The following RFX3 variants were observed in gnomAD, a reference collection of about 807,000 sequenced individuals.
The protein encoded by RFX3 is transcription factor RFX3.
Under a neutral mutation model 98.6 loss-of-function variants are expected in RFX3, and 14 were observed. That is an observed-to-expected ratio of 0.14 (90% confidence interval 0.09 to 0.22). The LOEUF (loss-of-function observed/expected upper bound fraction) is 0.22, where lower values mean the gene tolerates loss of function less well. Ranked by LOEUF, RFX3 falls within the 10% of genes least tolerant of loss-of-function variation. The pLI is 1.00. For synonymous variants in RFX3, 383 were observed against 328.4 expected, an observed-to-expected ratio of 1.17 and a Z score of -1.80; for missense variants, 639 against 926.9, an observed-to-expected ratio of 0.69 and a Z score of 4.03.
intron 2 of RFX3, among the ~76,000 whole-genome samples, chr9:3,350,996 G>A (rs1290538460): frequency 1.3e-5 from 2 of 152,012 alleles, no homozygotes; most frequent in African/African-American, 4.8e-5. Context: ...AAACTACTCT[G>A]CATGATACTG....
chr9:3,508,283 C>A (rs1004813696), intron 1 of RFX3, among the ~76,000 whole-genome samples: 1 of 151,832 alleles, frequency 6.6e-6, no homozygotes, highest in African/African-American at 2.4e-5. Context: ...ATATTCAAAT[C>A]CCAATTTAAG....
At chr9:3,258,741 T>A (rs1056811012) in intron 13 of RFX3, among the ~76,000 whole-genome samples, 1 of 151,900 alleles carries the variant, frequency 6.6e-6, no homozygotes, top group African/African-American at 2.4e-5. Context: ...AATTACAGCA[T>A]ATTGATGTAT....
intron 1 of RFX3, among the ~76,000 whole-genome samples, chr9:3,510,597 A>C (rs1817575362): frequency 6.6e-6 from 1 of 152,078 alleles, no homozygotes; most frequent in Admixed American, 6.6e-5. Context: ...ATGTAAAATA[A>C]TAAAAAGCCA....
rs927244652 is a variant in RFX3 at position 3,456,487 on chromosome 9, G to T, written c.-8-60891C>A. Among the ~76,000 whole-genome samples the T allele has an allele frequency of 5.3e-5, 8 of 151,976 alleles. No individual in the cohort carries two copies. In the South Asian group the frequency reaches 8.3e-4, roughly 16 times the overall value. On this transcript the variant is annotated intron_variant, in intron 1 of 16. Coordinates refer to ENST00000617270, the MANE Select transcript of RFX3 (RefSeq NM_001282116.2). ...TTTTGCTCCCAGCTTTATGTGATAT[G>T]CAAATGTGATGTGCCTGTTTAATTC... is the stretch of plus-strand genomic sequence containing the variant.
At chr9:3,502,775 G>C (rs577932666) in intron 1 of RFX3, among the ~76,000 whole-genome samples, 3 of 152,086 alleles carry the variant, frequency 2.0e-5, no homozygotes, top group Non-Finnish European at 4.4e-5. Context: ...CTGGCAATGT[G>C]AATGTTAGCC....
intron 4 of RFX3, among the ~76,000 whole-genome samples, chr9:3,303,691 T>C (rs1828934516): frequency 6.6e-6 from 1 of 151,934 alleles, no homozygotes; most frequent in African/African-American, 2.4e-5. Flanking sequence ...TTGAAGCTGT[T>C]ATTTTATAGT....
At chr9:3,230,246 G>A (rs1818289514) in intron 15 of RFX3, among the ~76,000 whole-genome samples, 1 of 152,128 alleles carries the variant, frequency 6.6e-6, no homozygotes, top group South Asian at 2.1e-4. Flanking sequence ...AGCATTACTG[G>A]AACAAATGTG....
intron 3 of RFX3, among the ~76,000 whole-genome samples, chr9:3,341,898 C>T (rs969361672): frequency 3.3e-5 from 5 of 152,150 alleles, no homozygotes; most frequent in Admixed American, 6.6e-5. Flanking sequence ...TCCATGTAAC[C>T]ATTTCTCTTA....
chr9:3,505,238 A>ACATT (rs1564186819), intron 1 of RFX3, among the ~76,000 whole-genome samples: 12 of 88,110 alleles, frequency 1.4e-4, no homozygotes, highest in Middle Eastern at 0.015. Context: ...ATGAATATAT[A>ACATT]TTTATATATA....
chr9:3,425,575 A>T (rs190585792), intron 1 of RFX3, among the ~76,000 whole-genome samples: 5 of 152,280 alleles, frequency 3.3e-5, no homozygotes, highest in Non-Finnish European at 7.4e-5. Context: ...AACACATAGA[A>T]CCCCCTGAAA....
intron 1 of RFX3, among the ~76,000 whole-genome samples, chr9:3,452,941 C>T (rs959502253): frequency 2.0e-5 from 3 of 152,042 alleles, no homozygotes; most frequent in African/African-American, 7.2e-5. Context: ...CCAAATCAGC[C>T]GTCTCAAAAT....
intron 12 of RFX3, among the ~76,000 whole-genome samples, chr9:3,263,821 C>T (rs1485910367): frequency 6.6e-6 from 1 of 152,140 alleles, no homozygotes; most frequent in Non-Finnish European, 1.5e-5. Context: ...CTGGGTTTGA[C>T]CAATAACAGG....
intron 11 of RFX3, among the ~76,000 whole-genome samples, chr9:3,268,195 G>C (rs189695756): frequency 2.0e-5 from 3 of 151,722 alleles, no homozygotes; most frequent in Admixed American, 2.0e-4. Context: ...GTAGCTTCAA[G>C]CTGACATTAA....
chr9:3,427,362 AATAT>A (rs1844173919), intron 1 of RFX3, among the ~76,000 whole-genome samples: 1 of 140,518 alleles, frequency 7.1e-6, no homozygotes, highest in Non-Finnish European at 1.5e-5. Context: ...ACTATATATA[AATAT>A]ATATTGTTAT....
chr9:3,287,501 G>GA (rs1232780932), intron 7 of RFX3, among the ~76,000 whole-genome samples: 1 of 151,894 alleles, frequency 6.6e-6, no homozygotes, highest in Non-Finnish European at 1.5e-5. Context: ...GGACTCATCT[G>GA]AAAAAACAGA....
intron 1 of RFX3, among the ~76,000 whole-genome samples, chr9:3,426,354 C>G (rs941921964): frequency 6.6e-6 from 1 of 151,380 alleles, no homozygotes; most frequent in Non-Finnish European, 1.5e-5. Context: ...TACAAACATC[C>G]AATACCCTTC....
chr9:3,389,954 G>C (rs868000321), intron 2 of RFX3, among the ~76,000 whole-genome samples: 20 of 152,210 alleles, frequency 1.3e-4, no homozygotes, highest in Middle Eastern at 6.8e-3. Flanking sequence ...CTAAGAAAGT[G>C]TGACAAATGG....
intron 3 of RFX3, among the ~76,000 whole-genome samples, chr9:3,336,443 A>C (rs757546396): frequency 6.6e-6 from 1 of 152,158 alleles, no homozygotes; most frequent in Admixed American, 6.5e-5. Flanking sequence ...TAAATAAGAG[A>C]GAGCATACCA....
chr9:3,505,629 TATTATAAATATACAAAGCCAC>T (rs1817012505), intron 1 of RFX3, among the ~76,000 whole-genome samples: 2 of 150,826 alleles, frequency 1.3e-5, no homozygotes, highest in South Asian at 4.1e-4. Flanking sequence ...ATCAATATTA[TATTATAAATATACAAAGCCAC>T]ATTTGAAGAC....
Sources: gnomAD v4.1 joint callset for allele counts (sites outside exome capture counted in the v4.1 genomes callset) on GRCh38, gnomAD v4.1.1 for gene constraint, MANE v1.5 for transcripts, NCBI Gene and HGNC (gene_info 2026-07-23, HGNC 2026-07-21) for gene names.